CCDC7: variants seen among roughly 807,000 people sequenced by gnomAD.
CCDC7 encodes coiled-coil domain containing 7.
Under a neutral mutation model 196.9 loss-of-function variants are expected in CCDC7, and 183 were observed. The observed-to-expected ratio is 0.93, with a 90% CI of 0.82 to 1.05. CCDC7 has a LOEUF of 1.05. CCDC7 is among the 50% of genes least tolerant of loss of function. The pLI is 0.00. For synonymous variants in CCDC7, 525 were observed against 484.6 expected, an observed-to-expected ratio of 1.08 and a Z score of -1.10; for missense variants, 1,540 against 1,482.2, an observed-to-expected ratio of 1.04 and a Z score of -0.64.
chr10:32,685,917 C>T, intron 21 of CCDC7, 53 bp from the exon 23 acceptor site: 1 of 1,052,468 alleles, frequency 9.5e-7, no homozygotes, highest in Admixed American at 2.7e-5. Context: ...ACAGAAATTT[C>T]ACAAAAGATC....
intron 20 of CCDC7, among the ~76,000 whole-genome samples, chr10:32,657,950 C>T (rs566313331): frequency 1.3e-5 from 2 of 152,228 alleles, no homozygotes; most frequent in African/African-American, 4.8e-5. Context: ...CAAAATGCTA[C>T]CAGTCTCTTT....
chr10:32,744,413 G>A (rs1293947613), intron 28 of CCDC7, among the ~76,000 whole-genome samples: 2 of 151,270 alleles, frequency 1.3e-5, no homozygotes, highest in Non-Finnish European at 2.9e-5. Flanking sequence ...GTCTTCCAGA[G>A]TGGCTATGCC....
chr10:32,451,526 G>T (rs2033074802), upstream of CCDC7: 2 of 1,382,614 alleles, frequency 1.4e-6, no homozygotes, highest in South Asian at 3.2e-5. Context: ...CAGAAAAAGA[G>T]AAATGTAGTA....
intron 24 of CCDC7, among the ~76,000 whole-genome samples, chr10:32,701,010 A>G (rs1474923200): frequency 6.6e-6 from 1 of 152,230 alleles, no homozygotes; most frequent in Non-Finnish European, 1.5e-5. Flanking sequence ...AACAGGGACA[A>G]TATGACTTCC....
chr10:32,758,717 A>T (rs577611240), intron 28 of CCDC7, among the ~76,000 whole-genome samples: 6 of 152,280 alleles, frequency 3.9e-5, no homozygotes, highest in Admixed American at 2.6e-4. Flanking sequence ...CACCACTCCT[A>T]TTCAACATAG....
intron 29 of CCDC7, among the ~76,000 whole-genome samples, chr10:32,797,727 A>G (rs1231387785): frequency 7.2e-6 from 1 of 138,786 alleles, no homozygotes; most frequent in Non-Finnish European, 1.7e-5. Context: ...GTGGGTCATT[A>G]GGGGTGATGG....
chr10:32,642,045 G>A (rs186026258), intron 20 of CCDC7, among the ~76,000 whole-genome samples: 8 of 152,312 alleles, frequency 5.3e-5, no homozygotes, highest in East Asian at 1.9e-4. Flanking sequence ...GGTCATGTGA[G>A]GTGTCAGTCT....
At chr10:32,677,373 A>AT (rs1426020528) in intron 21 of CCDC7, among the ~76,000 whole-genome samples, 1 of 152,000 alleles carries the variant, frequency 6.6e-6, no homozygotes, top group East Asian at 1.9e-4. Flanking sequence ...AATAATAATA[A>AT]AAAAAAAGAA....
At position 32,463,067 on chromosome 10, in the gene CCDC7, A is replaced by G. The variant is rs907163449; in HGVS notation, c.510+18A>G. ...TGGAAGAAGTAAGTCTAACGTTTTA[A>G]AATTGTTAAGTTAATATTTTTTAAC... On this transcript the variant is annotated intron_variant, in intron 5 of 41. Transcript: ENST00000639629. 1 of 1,612,682 alleles carries G rather than the reference A, an allele frequency of 6.2e-7. No individual in the cohort carries two copies. Among genetic ancestry groups the G allele is most frequent in the Admixed American group, 1.7e-5 (1 of 59,872 alleles).
chr10:32,724,454 G>T (rs1592071894), intron 25 of CCDC7, among the ~76,000 whole-genome samples: 1 of 152,158 alleles, frequency 6.6e-6, no homozygotes, highest in East Asian at 1.9e-4. Context: ...TTCAGATACT[G>T]TGATAACATA....
Position 32,811,780 on chromosome 10 carries a change from A to G in CCDC7, c.3098-2590A>G, listed in dbSNP as rs544502568. ...CAAGGACATAAAAAAATAAAAGTAC[A>G]AGTCAATATCTCTGATGAACATCAA... On this transcript the variant is annotated intron_variant, in intron 30 of 41. Coordinates refer to ENST00000639629, the Ensembl canonical transcript of CCDC7. Among the ~76,000 whole-genome samples, 4 of 152,226 alleles carry G rather than the reference A, an allele frequency of 2.6e-5. No individual in the cohort carries two copies. The South Asian group carries it at 8.3e-4, about 32-fold the overall frequency.
chr10:32,643,016 G>A (rs1210382733), intron 20 of CCDC7, among the ~76,000 whole-genome samples: 1 of 152,152 alleles, frequency 6.6e-6, no homozygotes, highest in Non-Finnish European at 1.5e-5. Flanking sequence ...CGTTAGGACT[G>A]TAGAAACATG....
intron 20 of CCDC7, among the ~76,000 whole-genome samples, chr10:32,645,493 G>A: frequency 9.1e-6 from 1 of 109,870 alleles, no homozygotes; most frequent in Admixed American, 9.2e-5. Context: ...ATTTTCTGTT[G>A]AGTCCATGTC....
At chr10:32,454,226 G>A (rs980411507) in intron 2 of CCDC7, among the ~76,000 whole-genome samples, 2 of 152,170 alleles carry the variant, frequency 1.3e-5, no homozygotes, top group Admixed American at 6.5e-5. Context: ...GTACAGTGAA[G>A]CTTTTTGAAA....
At chr10:32,674,131 T>TC (rs1311295307) in intron 21 of CCDC7, among the ~76,000 whole-genome samples, 2 of 151,838 alleles carry the variant, frequency 1.3e-5, no homozygotes, top group African/African-American at 2.4e-5. Flanking sequence ...TGTTTTTTTT[T>TC]CTGTGAACTT....
At chr10:32,724,880 A>G (rs1166139214) in intron 25 of CCDC7, among the ~76,000 whole-genome samples, 1 of 152,116 alleles carries the variant, frequency 6.6e-6, no homozygotes, top group Non-Finnish European at 1.5e-5. Context: ...ATCACAGTGC[A>G]CTGGCTGTAT....
At chr10:32,588,443 A>G (rs534164920) in intron 18 of CCDC7, among the ~76,000 whole-genome samples, 10 of 152,178 alleles carry the variant, frequency 6.6e-5, no homozygotes, top group African/African-American at 2.4e-4. Context: ...CCATTGTTCG[A>G]TTAATGTGGT....
chr10:32,582,139 T>TATATATATATATATATAC (rs1201465796), intron 16 of CCDC7, among the ~76,000 whole-genome samples: 4 of 131,046 alleles, frequency 3.1e-5, no homozygotes, highest in African/African-American at 1.1e-4. Context: ...TATATATATA[T>TATATATATATATATATAC]ACTTTTTTTT....
intron 3 of CCDC7, among the ~76,000 whole-genome samples, chr10:32,457,102 A>G (rs1480105435): frequency 1.3e-5 from 2 of 151,764 alleles, no homozygotes; most frequent in African/African-American, 2.4e-5. Context: ...TCTCCTATCT[A>G]GCTGTAATTT....
Sources: allele counts gnomAD v4.1 joint callset (sites outside exome capture counted in the v4.1 genomes callset), GRCh38; gene constraint gnomAD v4.1.1; transcripts MANE v1.5; gene names NCBI Gene and HGNC (gene_info 2026-07-23, HGNC 2026-07-21).